HMCN1: variants seen among roughly 807,000 people sequenced by gnomAD.
The protein encoded by HMCN1 is hemicentin 1, also known as hemicentin-1.
HMCN1 carries 321 observed loss-of-function variants against 625.9 expected under a neutral mutation model. The ratio of observed to expected loss-of-function variants is 0.51; its 90% CI spans 0.47 to 0.56. The LOEUF (loss-of-function observed/expected upper bound fraction) is 0.56. Among genes scored for constraint, HMCN1 ranks in the 20% least tolerant of loss-of-function variants. The probability of loss-of-function intolerance (pLI) is 0.00; values close to 1 mark genes in which losing one functional copy is unlikely to be tolerated. For synonymous variants in HMCN1, 2,425 were observed against 2,417.6 expected (o/e 1.00, Z -0.09); for missense variants, 6,588 against 6,887.3 (o/e 0.96, Z 1.54).
chr1:186,097,705 TA>T (rs1660199297), intron 68 of HMCN1, among the ~76,000 whole-genome samples: 1 of 151,874 alleles, frequency 6.6e-6, no homozygotes, highest in African/African-American at 2.4e-5. Context: ...AAAAAAAATC[TA>T]AAATTTGTAT....
At chr1:185,966,062 T>C in intron 14 of HMCN1, 147 bp downstream of exon 14, 1 of 670,074 alleles carries the variant, frequency 1.5e-6, no homozygotes, top group Non-Finnish European at 2.7e-6. Flanking sequence ...TAGTTCAAAA[T>C]TCTCAACTCT....
intron 1 of HMCN1, among the ~76,000 whole-genome samples, chr1:185,787,141 ATG>A (rs375544191): frequency 0.029 from 4,019 of 140,922 alleles, 71 homozygotes; most frequent in Admixed American, 0.07. Flanking sequence ...GCCATGATGT[ATG>A]TGTGTGTGTG....
chr1:186,018,854 A>ATTACTC (rs1236379479), intron 34 of HMCN1, among the ~76,000 whole-genome samples: 1 of 152,058 alleles, frequency 6.6e-6, no homozygotes, highest in Non-Finnish European at 1.5e-5. Flanking sequence ...GATTATAACC[A>ATTACTC]TTACTCTAAC....
chr1:185,755,441 C>T (rs747177111), intron 1 of HMCN1, among the ~76,000 whole-genome samples: 7 of 152,280 alleles, frequency 4.6e-5, no homozygotes, highest in Non-Finnish European at 7.4e-5. Context: ...ACATCACAAT[C>T]GGTCAGATCT....
intron 45 of HMCN1, among the ~76,000 whole-genome samples, chr1:186,056,776 A>G (rs1286047680): frequency 6.6e-6 from 1 of 151,902 alleles, no homozygotes; most frequent in African/African-American, 2.4e-5. Context: ...AGGAGTTCAA[A>G]AACTAACTCT....
intron 6 of HMCN1, among the ~76,000 whole-genome samples, chr1:185,921,210 C>A (rs947639992): frequency 5.3e-5 from 8 of 152,180 alleles, no homozygotes; most frequent in Non-Finnish European, 1.5e-5. Flanking sequence ...CTAGCTGCAT[C>A]ATTTATGCTA....
chr1:185,823,675 T>C (rs1334918269), intron 1 of HMCN1, among the ~76,000 whole-genome samples: 1 of 152,196 alleles, frequency 6.6e-6, no homozygotes, highest in African/African-American at 2.4e-5. Context: ...TGCCAGAAGA[T>C]AGACATGAAA....
At chr1:185,773,155 AG>A (rs1194621384) in intron 1 of HMCN1, among the ~76,000 whole-genome samples, 1 of 152,176 alleles carries the variant, frequency 6.6e-6, no homozygotes, top group African/African-American at 2.4e-5. Flanking sequence ...TTCACCCTCC[AG>A]GGGACATTTG....
At chr1:186,039,066 C>T (rs998225189) in intron 38 of HMCN1, 61 bp downstream of exon 38, 62 of 1,134,714 alleles carry the variant, frequency 5.5e-5, no homozygotes, top group South Asian at 2.5e-4. Context: ...TGATTAAGTG[C>T]TTCTATAAAA....
chr1:185,826,641 A>G (rs990966137), intron 1 of HMCN1, among the ~76,000 whole-genome samples: 4 of 152,208 alleles, frequency 2.6e-5, no homozygotes, highest in Non-Finnish European at 5.9e-5. Context: ...AACATAGACC[A>G]GTCTTCATTG....
chr1:186,116,128 A>C (rs894961465), intron 75 of HMCN1, among the ~76,000 whole-genome samples: 1 of 152,078 alleles, frequency 6.6e-6, no homozygotes, highest in Non-Finnish European at 1.5e-5. Context: ...AAATTCTATC[A>C]TGTCTCTTTT....
intron 1 of HMCN1, among the ~76,000 whole-genome samples, chr1:185,738,694 G>T (rs1026266894): frequency 1.2e-4 from 18 of 152,182 alleles, no homozygotes; most frequent in African/African-American, 4.3e-4. Flanking sequence ...TGAGGGTTCC[G>T]ATTTCTTTCC....
chr1:185,890,018 T>C (rs905587197), intron 4 of HMCN1, among the ~76,000 whole-genome samples: 4 of 151,284 alleles, frequency 2.6e-5, no homozygotes, highest in Non-Finnish European at 5.9e-5. Context: ...GAGATTCAAC[T>C]TCTTCCTGGT....
intron 36 of HMCN1, among the ~76,000 whole-genome samples, chr1:186,036,587 T>C (rs1386198341): frequency 6.6e-6 from 1 of 151,930 alleles, no homozygotes; most frequent in Non-Finnish European, 1.5e-5. Context: ...CCCATACAAG[T>C]ATTTTTTCTT....
intron 71 of HMCN1, 152 bp from the exon 72 acceptor site, chr1:186,112,660 T>C (rs543499484): frequency 2.7e-4 from 254 of 926,270 alleles, no homozygotes; most frequent in Admixed American, 1.3e-3. Flanking sequence ...CCCAGGGATT[T>C]TTGATACTAC....
intron 1 of HMCN1, among the ~76,000 whole-genome samples, chr1:185,827,505 A>G (rs910940120): frequency 2.6e-5 from 4 of 152,142 alleles, no homozygotes; most frequent in Non-Finnish European, 5.9e-5. Flanking sequence ...AAGAAAGAAT[A>G]AACACTGCTG....
chr1:186,151,167 C>T (rs1392937714), intron 93 of HMCN1, 33 bp from the exon 94 acceptor site: 1 of 1,611,778 alleles, frequency 6.2e-7, no homozygotes, highest in Admixed American at 1.7e-5. Context: ...AAATTGCATC[C>T]TTATCCAGGA....
chr1:186,075,531 G>C (rs1471982115), intron 53 of HMCN1, among the ~76,000 whole-genome samples: 1 of 152,040 alleles, frequency 6.6e-6, no homozygotes, highest in Non-Finnish European at 1.5e-5. Flanking sequence ...TAACATGACT[G>C]TCTTGTAGAA....
intron 6 of HMCN1, among the ~76,000 whole-genome samples, chr1:185,912,611 G>A (rs1343814578): frequency 6.6e-6 from 1 of 151,940 alleles, no homozygotes; most frequent in Non-Finnish European, 1.5e-5. Context: ...TCTAGTATCT[G>A]CATTTCTGTG....
Sources: gnomAD v4.1 joint callset for allele counts (sites outside exome capture counted in the v4.1 genomes callset) on GRCh38, gnomAD v4.1.1 for gene constraint, MANE v1.5 for transcripts, NCBI Gene and HGNC (gene_info 2026-07-23, HGNC 2026-07-21) for gene names.